The following DLX3 variants were observed in gnomAD, a reference collection of about 807,000 sequenced individuals.
DLX3 encodes distal-less homeobox 3, also known as homeobox protein DLX-3.
In DLX3, 9 loss-of-function variants were observed where a neutral mutation model predicts 28.0. The ratio of observed to expected loss-of-function variants is 0.32; its 90% CI spans 0.19 to 0.56. DLX3 has a LOEUF of 0.56. Among genes scored for constraint, DLX3 ranks in the 20% least tolerant of loss-of-function variants. The pLI is 0.91. For missense variants in DLX3, 313 were observed against 378.2 expected, an observed-to-expected ratio of 0.83 and a Z score of 1.43; for synonymous variants, 154 against 167.9, an observed-to-expected ratio of 0.92 and a Z score of 0.64.
At chr17:49,991,947 A>G (rs1382015720) in intron 2 of DLX3, 83 bp from the exon 3 acceptor site, 10 of 1,391,492 alleles carry the variant, frequency 7.2e-6, no homozygotes, top group Non-Finnish European at 1.0e-5. Flanking sequence ...AAGAAAAAGA[A>G]AGGCCAGAAC....
Position 49,994,845 on chromosome 17 carries a change from A to G in DLX3, c.154T>C (p.Ser52Pro), listed in dbSNP as rs199578857. 6.8e-6 allele frequency: 11 copies of G among 1,614,198 alleles called. No homozygotes were observed. In the East Asian group the frequency reaches 1.8e-4, roughly 26 times the overall value. ...YYSAPQHDYYSGQPYGQTVNP... is the reference protein window; with the variant it reads ...YYSAPQHDYYPGQPYGQTVNP... ...ACCGTCTGGCCATAGGGCTGGCCCG[A>G]GTAGTAATCGTGCTGGGGAGCGCTG... is the stretch of plus-strand genomic sequence containing the variant. Residue 52 changes from serine to proline, a missense_variant, in exon 1 of 3, where the codon TCG becomes CCG. Transcript: ENST00000434704.
intron 2 of DLX3, among the ~76,000 whole-genome samples, chr17:49,992,274 T>C (rs1008643986): frequency 2.6e-5 from 4 of 152,090 alleles, no homozygotes; most frequent in Non-Finnish European, 5.9e-5. Context: ...AGGTGGGAGA[T>C]GGACGGTTTG....
Position 49,994,788 on chromosome 17 carries a change from G to C in DLX3, c.211C>G (p.Leu71Val). 6.2e-7 allele frequency: 1 copy of C among 1,614,248 alleles called. No homozygotes were observed. The highest frequency in any genetic ancestry group is 2.2e-5 in the East Asian group (1 of 44,880). ...NPYTYHHQFNLNGLAGTGAYS... is the reference protein window; with the variant it reads ...NPYTYHHQFNVNGLAGTGAYS... The stretch of plus-strand genomic sequence containing the variant: ...GCGCCCGTGCCTGCAAGCCCATTGA[G>C]ATTGAATTGGTGGTGGTAGGTGTAG... Residue 71 changes from leucine to valine, a missense_variant, in exon 1 of 3, where the codon CTC becomes GTC. This residue lies in a region of DLX3 where 183 missense variants were observed against 197.7 expected (regional missense o/e 0.93). Coordinates refer to ENST00000434704, the MANE Select transcript of DLX3 (RefSeq NM_005220.3).
At chr17:49,991,887 A>G in intron 2 of DLX3, 23 bp from the exon 3 acceptor site, 1 of 1,607,546 alleles carries the variant, frequency 6.2e-7, no homozygotes, top group Non-Finnish European at 8.5e-7. Flanking sequence ...AGAAAGGGGT[A>G]GCTAGTTAGC....
chr17:49,993,742 G>C (rs1028416042), intron 1 of DLX3, 152 bp from the exon 2 acceptor site: 11 of 774,330 alleles, frequency 1.4e-5, no homozygotes, highest in South Asian at 7.0e-5. Context: ...GCGGCCCAGG[G>C]GGGAGCCGCG....
At chr17:49,991,985 A>C in intron 2 of DLX3, 121 bp from the exon 3 acceptor site, 1 of 975,774 alleles carries the variant, frequency 1.0e-6, no homozygotes, top group South Asian at 1.4e-5. Context: ...TCAGGCAAAA[A>C]ACAGGCCTCC....
Position 49,990,362 on chromosome 17 carries a change from T to C in DLX3, c.*1155A>G, listed in dbSNP as rs1250322563. ...TTCTACCTCTCCTTTTTTTTTTTTT[T>C]CAATGTTTTACTGCATCAGGGGTGG... On this transcript the variant is annotated 3_prime_UTR_variant, in exon 3 of 3. Transcript: ENST00000434704. The C allele has an allele frequency of 4.0e-5, 6 of 148,986 alleles. No individual in the cohort carries two copies. Among genetic ancestry groups the C allele is most frequent in the East Asian group, 1.9e-4 (1 of 5,170 alleles). 9.2% of individuals were successfully genotyped at this position (148,986 alleles called of 1,614,324 possible). A position where few individuals can be genotyped will look rare whatever the true frequency, so the allele number is the denominator to read the frequency against.
At position 49,991,877 on chromosome 17, in the gene DLX3, A is replaced by G. The variant is rs774503880; in HGVS notation, c.517-13T>C. On this transcript the variant is annotated splice_polypyrimidine_tract_variant and intron_variant, in intron 2 of 2. Transcript: ENST00000434704. The stretch of plus-strand genomic sequence containing the variant: ...ACCAGATTTTCACCTGGGCCAGAGA[A>G]GAAAGGGGTAGCTAGTTAGCCTCTC... 9 of 1,611,804 alleles carry G rather than the reference A, an allele frequency of 5.6e-6. No individual in the cohort carries two copies. Among genetic ancestry groups the G allele is most frequent in the South Asian group, 1.1e-5 (1 of 91,014 alleles).
At chr17:49,994,143 C>G (rs1487276995) in intron 1 of DLX3, among the ~76,000 whole-genome samples, 1 of 144,960 alleles carries the variant, frequency 6.9e-6, no homozygotes, top group Non-Finnish European at 1.5e-5. Flanking sequence ...CTCTCACTGT[C>G]TTTCCATACT....
In DLX3 at chr17:49,991,840, G is replaced by A; in HGVS notation, c.541C>T (p.Arg181Cys). Residue 181 changes from arginine to cysteine, a missense_variant, in exon 3 of 3, where the codon CGT becomes TGT. Physicochemically the swap from Arg to Cys is radical, Grantham distance 180. Transcript: ENST00000434704. ...TTGTAGAGTTTCTTGAACTTGGAAC[G>A]GCGGTTCTGGAACCAGATTTTCACC... ...TQVKIWFQNR[R>C]SKFKKLYKNG... 6.2e-7 allele frequency: 1 copy of A among 1,614,008 alleles called. No homozygotes were observed. Among genetic ancestry groups the A allele is most frequent in the Non-Finnish European group, 8.5e-7 (1 of 1,180,014 alleles).
intron 2 of DLX3, 33 bp downstream of exon 2, chr17:49,993,367 C>T: frequency 2.6e-6 from 4 of 1,560,798 alleles, no homozygotes; most frequent in Non-Finnish European, 2.6e-6. Flanking sequence ...GGGTCCCGCG[C>T]GCCCCCGCGG....
chr17:49,992,839 A>G (rs1906139510), intron 2 of DLX3, among the ~76,000 whole-genome samples: 1 of 152,112 alleles, frequency 6.6e-6, no homozygotes, highest in Non-Finnish European at 1.5e-5. Context: ...TCCTTCAGGT[A>G]GGGAATTTGG....
chr17:49,990,286 T>C lies in DLX3; in HGVS notation c.*1231A>G, dbSNP rs1223524407. 2 of 147,888 alleles carry C rather than the reference T, an allele frequency of 1.4e-5. No individual in the cohort carries two copies. 9.2% of individuals were successfully genotyped at this position (147,888 alleles called of 1,614,324 possible). A position where few individuals can be genotyped will look rare whatever the true frequency, so the allele number is the denominator to read the frequency against. ...CAGGGAGGAGGCTGCTTCTCTCTGT[T>C]GCTCTTAAAAAAAAAAAACTTACTA... On this transcript the variant is annotated 3_prime_UTR_variant, in exon 3 of 3. Coordinates refer to ENST00000434704, the MANE Select transcript of DLX3 (RefSeq NM_005220.3).
In DLX3 at chr17:49,993,501, A is replaced by G. The variant is rs752320234; in HGVS notation, c.415T>C (p.Tyr139His). ...CGGCGCTGCAGGGCGGCCAGCTGGT[A>G]GCTGGAGTAGATCGTACGCGGCTTT... ...VRKPRTIYSS[Y>H]QLAALQRRFQ... The change falls in exon 2 of 3, where the codon TAC becomes CAC. Residue 139 changes from tyrosine to histidine, a missense_variant. By Grantham distance (83) the Tyr-to-His change is moderately conservative. Around this residue, in one of 3 missense-constraint regions of DLX3, gnomAD observed 183 missense variants for 197.7 expected, o/e 0.93. Coordinates refer to ENST00000434704, the MANE Select transcript of DLX3 (RefSeq NM_005220.3). 5 of 1,613,578 alleles carry G rather than the reference A, an allele frequency of 3.1e-6. No homozygotes were observed. The highest frequency in any genetic ancestry group is 4.2e-6 in the Non-Finnish European group (5 of 1,179,696).
rs760418490 is a variant in DLX3 at position 49,991,651 on chromosome 17, G to C, written c.730C>G (p.Leu244Val). 93 of 1,613,848 alleles carry C rather than the reference G, an allele frequency of 5.8e-5. No individual in the cohort carries two copies. Among genetic ancestry groups the C allele is most frequent in the Admixed American group, 1.5e-4 (9 of 60,002 alleles). The change falls in exon 3 of 3, where the codon CTG (leucine) becomes GTG (valine). Residue 244 changes from leucine to valine, a missense_variant. Transcript: ENST00000434704. Reference sequence around the variant, plus strand: ...TACCAGGAGTTGGTGGGGTCGTCCAGGTAGCTGGGGGAGGCACTGTATGGG... The same window carrying C: ...TACCAGGAGTTGGTGGGGTCGTCCACGTAGCTGGGGGAGGCACTGTATGGG... ...PLPYSASPSY[L>V]DDPTNSWYHA...
rs756092425 is a variant in DLX3, at chr17:49,994,899, C to A, written c.100G>T (p.Glu34Ter). 1 of 1,614,160 alleles carries A rather than the reference C, an allele frequency of 6.2e-7. No homozygotes were observed. Among genetic ancestry groups the A allele is most frequent in the Non-Finnish European group, 8.5e-7 (1 of 1,180,036 alleles). Reference protein sequence around the residue: ...AGSKDSPTLPESSVTDLGYYS... With the variant: ...AGSKDSPTLP ...TAGCCCAGGTCAGTGACAGAAGACT[C>A]GGGCAGGGTAGGCGAGTCCTTGGAG... The change falls in exon 1 of 3, where the codon GAG (glutamate) becomes TAG (stop). Residue 34 changes from glutamate (E) to a stop codon, truncating the protein, a stop_gained. Transcript: ENST00000434704. LOFTEE classifies it high-confidence loss of function.
At chr17:49,992,724 G>A (rs1906135620) in intron 2 of DLX3, among the ~76,000 whole-genome samples, 1 of 152,186 alleles carries the variant, frequency 6.6e-6, no homozygotes, top group Admixed American at 6.5e-5. Flanking sequence ...AACACCTGGA[G>A]GGAGCCAGGC....
Position 49,990,953 on chromosome 17 carries a change from G to C in DLX3, c.*564C>G, listed in dbSNP as rs1457179157. 6.5e-6 allele frequency: 1 copy of C among 153,672 alleles called. No homozygotes were observed. Among genetic ancestry groups the C allele is most frequent in the Non-Finnish European group, 1.5e-5 (1 of 68,810 alleles). The allele number at this position is 153,672 out of a possible 1,614,324, so 9.5% of individuals were successfully genotyped here. A position where few individuals can be genotyped will look rare whatever the true frequency, so the allele number is the denominator to read the frequency against. On this transcript the variant is annotated 3_prime_UTR_variant, in exon 3 of 3. Coordinates refer to ENST00000434704, the MANE Select transcript of DLX3 (RefSeq NM_005220.3). ...TTTCACCCTCAAATCTTAAATGAGG[G>C]CTAGAAGTGCAGGGCGGTGACCAGT... is the stretch of plus-strand genomic sequence containing the variant.
chr17:49,992,397 A>G (rs1433207900), intron 2 of DLX3, among the ~76,000 whole-genome samples: 1 of 152,132 alleles, frequency 6.6e-6, no homozygotes, highest in East Asian at 1.9e-4. Flanking sequence ...ACAGCCTCAC[A>G]CACAGACACC....
Sources: allele counts gnomAD v4.1 joint callset (sites outside exome capture counted in the v4.1 genomes callset), GRCh38; gene constraint gnomAD v4.1.1; regional missense constraint gnomAD v4.1.1; transcripts MANE v1.5; gene names NCBI Gene and HGNC (gene_info 2026-07-23, HGNC 2026-07-21).